Variants in PLS1 observed in about 807,000 individuals in gnomAD.
The protein encoded by PLS1 is plastin 1.
In PLS1, 32 loss-of-function variants were observed where a neutral mutation model predicts 73.7. That is an observed-to-expected ratio of 0.43 (90% CI 0.33 to 0.58). The LOEUF (loss-of-function observed/expected upper bound fraction) is 0.58. Among genes scored for constraint, PLS1 ranks in the 20% least tolerant of loss-of-function variants. The pLI, the probability that PLS1 is intolerant of heterozygous loss-of-function variation, is 0.04. For synonymous variants in PLS1, 217 were observed against 261.3 expected (o/e 0.83, Z 1.63); for missense variants, 633 against 740.5 (o/e 0.85, Z 1.68).
intron 1 of PLS1, among the ~76,000 whole-genome samples, chr3:142,598,971 A>G (rs2035862015): frequency 6.6e-6 from 1 of 151,914 alleles, no homozygotes; most frequent in Admixed American, 6.6e-5. Flanking sequence ...ACTGCACTCC[A>G]GCATGGGCGA....
In PLS1 at chr3:142,704,012, A is replaced by G. The variant is rs1308000496; in HGVS notation, c.1505+11A>G. 1 of 1,611,654 alleles carries G rather than the reference A, an allele frequency of 6.2e-7. No individual in the cohort carries two copies. The highest frequency in any genetic ancestry group is 8.5e-7 in the Non-Finnish European group (1 of 1,178,636). ...GCAGCTGATGAGAAGGTAAAGGCTG[A>G]TATGTTGGTAGCAACACTGCCTGTT... On this transcript the variant is annotated intron_variant, in intron 13 of 15. Transcript: ENST00000457734.
intron 12 of PLS1, among the ~76,000 whole-genome samples, chr3:142,703,359 G>A (rs542280134): frequency 2.1e-5 from 3 of 144,798 alleles, no homozygotes; most frequent in South Asian, 2.2e-4. Context: ...GCAATGGCGC[G>A]ATCTTGGCTC....
In PLS1 at chr3:142,607,233, T is replaced by A. The variant is rs73000115; in HGVS notation, c.-37+10724T>A. Reference sequence around the variant, plus strand: ...CAAAGAAATGAAGCAGATGAAACAGTGCTCCCATATACTCCCACACTGACA... The same window carrying A: ...CAAAGAAATGAAGCAGATGAAACAGAGCTCCCATATACTCCCACACTGACA... On this transcript the variant is annotated intron_variant, in intron 1 of 15. Transcript: ENST00000457734. Among the ~76,000 whole-genome samples the A allele has an allele frequency of 3.2e-3, 486 of 152,340 alleles. 5 individuals carry two copies. Among genetic ancestry groups the A allele is most frequent in the African/African-American group, 0.011 (470 of 41,578 alleles).
chr3:142,707,448 G>A (rs1375799011), intron 14 of PLS1, among the ~76,000 whole-genome samples: 2 of 152,170 alleles, frequency 1.3e-5, no homozygotes, highest in East Asian at 3.8e-4. Flanking sequence ...ACTATGTTAA[G>A]CACTTTACAC....
chr3:142,699,538 T>C (rs2038282805), intron 12 of PLS1, among the ~76,000 whole-genome samples: 1 of 152,326 alleles, frequency 6.6e-6, no homozygotes, highest in Non-Finnish European at 1.5e-5. Flanking sequence ...TGTATACCTA[T>C]GTTAACTATC....
At chr3:142,601,950 C>T (rs1382255834) in intron 1 of PLS1, among the ~76,000 whole-genome samples, 1 of 152,026 alleles carries the variant, frequency 6.6e-6, no homozygotes, top group Non-Finnish European at 1.5e-5. Context: ...ACTGAGCGCT[C>T]AAATAACTTA....
At chr3:142,663,039 G>A (rs142836139) in intron 1 of PLS1, among the ~76,000 whole-genome samples, 1,796 of 152,064 alleles carry the variant, frequency 0.012, 12 homozygotes, top group Admixed American at 0.02. Flanking sequence ...GTGAAACCAC[G>A]TCTCTACTAA....
At chr3:142,677,830 ACACAGG>A (rs1299220035) in intron 5 of PLS1, among the ~76,000 whole-genome samples, 196 bp from the exon 6 acceptor site, 1 of 152,164 alleles carries the variant, frequency 6.6e-6, no homozygotes, top group African/African-American at 2.4e-5. Flanking sequence ...TCTCTGTTTT[ACACAGG>A]CTGGCCTCAA....
chr3:142,665,039 C>T (rs1166239998), intron 2 of PLS1, among the ~76,000 whole-genome samples: 1 of 150,664 alleles, frequency 6.6e-6, no homozygotes, highest in African/African-American at 2.4e-5. Context: ...AAGGTGAGCA[C>T]AGTGAATAGA....
chr3:142,684,933 C>T (rs1034550757), intron 8 of PLS1, among the ~76,000 whole-genome samples: 3 of 152,178 alleles, frequency 2.0e-5, no homozygotes, highest in African/African-American at 7.2e-5. Context: ...TGTCTAATGA[C>T]AACTTTCCCT....
chr3:142,665,279 T>TAA (rs142241902), intron 2 of PLS1, among the ~76,000 whole-genome samples: 1 of 68,682 alleles, frequency 1.5e-5, no homozygotes, highest in African/African-American at 5.5e-5. Flanking sequence ...ACGATATGTT[T>TAA]AAAAAAAAAA....
intron 1 of PLS1, chr3:142,627,846 G>A (rs1171305890): frequency 6.6e-6 from 1 of 151,264 alleles, no homozygotes; most frequent in East Asian, 1.9e-4. Flanking sequence ...GCCCAGGCTG[G>A]TCTTGAACTC....
At chr3:142,601,465 A>C (rs1341963787) in intron 1 of PLS1, among the ~76,000 whole-genome samples, 5 of 152,150 alleles carry the variant, frequency 3.3e-5, no homozygotes, top group Admixed American at 3.3e-4. Flanking sequence ...ACTAAATACA[A>C]GTAATATATC....
At chr3:142,670,482 T>TA (rs369860871) in intron 3 of PLS1, among the ~76,000 whole-genome samples, 155 of 151,626 alleles carry the variant, frequency 1.0e-3, no homozygotes, top group African/African-American at 2.9e-3. Context: ...GATTTGCATT[T>TA]AAAAAAAAAC....
intron 1 of PLS1, among the ~76,000 whole-genome samples, chr3:142,626,792 T>C (rs1271983431): frequency 1.3e-5 from 2 of 152,264 alleles, no homozygotes; most frequent in Non-Finnish European, 2.9e-5. Flanking sequence ...AGACATATTT[T>C]TAAAGCTACT....
chr3:142,684,263 A>T lies in PLS1; in HGVS notation c.756A>T (p.Ala252=). 1 of 1,614,182 alleles carries T rather than the reference A, an allele frequency of 6.2e-7. No individual in the cohort carries two copies. Among genetic ancestry groups the T allele is most frequent in the Non-Finnish European group, 8.5e-7 (1 of 1,180,020 alleles). Residue 252 remains alanine (A), a synonymous_variant, in exon 8 of 16, where the codon GCA becomes GCT. Coordinates refer to ENST00000457734, the MANE Select transcript of PLS1 (RefSeq NM_001145319.2). ...CTGTTTTGCCCTCAGCTCTGATTGC[A>T]TTGTTAAATGAAGGTGAGGAACTAG... ...IEISRNEALI[A]LLNEGEELEE...
At chr3:142,665,117 C>G (rs934965122) in intron 2 of PLS1, among the ~76,000 whole-genome samples, 1 of 151,608 alleles carries the variant, frequency 6.6e-6, no homozygotes, top group Non-Finnish European at 1.5e-5. Context: ...GTAATAGAGC[C>G]CTCCATGAAA....
At chr3:142,656,417 C>T (rs1221888611) in intron 1 of PLS1, 1 of 152,220 alleles carries the variant, frequency 6.6e-6, no homozygotes, top group African/African-American at 2.4e-5. Flanking sequence ...ACAGTCAAGG[C>T]TGTTATGTAG....
chr3:142,708,703 A>G (rs1932969346), intron 14 of PLS1, among the ~76,000 whole-genome samples: 1 of 152,254 alleles, frequency 6.6e-6, no homozygotes, highest in Admixed American at 6.5e-5. Flanking sequence ...TTTCTTTATG[A>G]TTAACTTAAG....
Sources: allele counts gnomAD v4.1 joint callset (sites outside exome capture counted in the v4.1 genomes callset), GRCh38; gene constraint gnomAD v4.1.1; transcripts MANE v1.5; gene names NCBI Gene and HGNC (gene_info 2026-07-23, HGNC 2026-07-21).